The following DCDC2C variants were observed in gnomAD, a reference collection of about 807,000 sequenced individuals.
The protein encoded by DCDC2C is doublecortin domain containing 2C.
DCDC2C carries 44 observed loss-of-function variants against 45.0 expected under a neutral mutation model. The observed-to-expected ratio is 0.98, with a 90% CI of 0.77 to 1.26. The LOEUF (loss-of-function observed/expected upper bound fraction) is 1.26, where lower values mean the gene tolerates loss of function less well. DCDC2C is among the 50% of genes most tolerant of loss of function. DCDC2C has a pLI of 0.00. For missense variants in DCDC2C, 447 were observed against 468.9 expected, an observed-to-expected ratio of 0.95 and a Z score of 0.43; for synonymous variants, 187 against 178.8, an observed-to-expected ratio of 1.05 and a Z score of -0.37.
intron 6 of DCDC2C, among the ~76,000 whole-genome samples, chr2:3,767,061 G>C (rs190017459): frequency 1.3e-5 from 2 of 152,370 alleles, no homozygotes; most frequent in South Asian, 4.1e-4. Flanking sequence ...TGTTGCGAGC[G>C]TGTTTAAGGT....
At chr2:3,741,746 G>C (rs924109523) in intron 3 of DCDC2C, among the ~76,000 whole-genome samples, 174 bp from the exon 4 acceptor site, 10 of 151,620 alleles carry the variant, frequency 6.6e-5, no homozygotes, top group Non-Finnish European at 8.8e-5. Flanking sequence ...ACCAGGCTCT[G>C]TGACATTCTG....
intron 10 of DCDC2C, among the ~76,000 whole-genome samples, chr2:3,814,512 G>T (rs544008058): frequency 1.3e-5 from 2 of 152,190 alleles, no homozygotes; most frequent in Admixed American, 1.3e-4. Context: ...GCCTACTTCT[G>T]TCAATTCGTC....
chr2:3,728,079 T>A (rs1166683154), intron 3 of DCDC2C, among the ~76,000 whole-genome samples: 2 of 151,788 alleles, frequency 1.3e-5, no homozygotes, highest in Non-Finnish European at 2.9e-5. Flanking sequence ...CATGTGGGGG[T>A]CCCAGCCTTG....
chr2:3,703,971 G>C lies in DCDC2C; in HGVS notation c.220G>C (p.Gly74Arg). ...FTPTRGHRVLGLDALQAGGKY... is the reference protein window; with the variant it reads ...FTPTRGHRVLRLDALQAGGKY... ...GCCCACGCGTGGGCACCGGGTGCTGGGGCTGGACGCGCTGCAGGCGGGCGG... is the reference window on the plus strand; with the variant it reads ...GCCCACGCGTGGGCACCGGGTGCTGCGGCTGGACGCGCTGCAGGCGGGCGG... The change falls in exon 1 of 11, where the codon GGG (glycine) becomes CGG (arginine). Residue 74 changes from glycine to arginine, a missense_variant. Coordinates refer to ENST00000399143, the MANE Select transcript of DCDC2C (RefSeq NM_001287444.2). This position sits in a 1 kb window ranked among gnomAD's most constrained non-coding sequence, Gnocchi z 4.4. The C allele has an allele frequency of 1.5e-6, 2 of 1,304,822 alleles. No individual in the cohort carries two copies. The highest frequency in any genetic ancestry group is 1.9e-6 in the Non-Finnish European group (2 of 1,026,832). 80.8% of individuals were successfully genotyped at this position (1,304,822 alleles called of 1,614,324 possible). A position where few individuals can be genotyped will look rare whatever the true frequency, so the allele number is the denominator to read the frequency against.
chr2:3,730,859 G>A (rs947697907), intron 3 of DCDC2C, among the ~76,000 whole-genome samples: 3 of 152,144 alleles, frequency 2.0e-5, no homozygotes, highest in Admixed American at 6.5e-5. Context: ...AGTTGATCAC[G>A]GCCCTCACTC....
At chr2:3,798,562 C>G (rs879299541) in intron 10 of DCDC2C, among the ~76,000 whole-genome samples, 31 of 148,676 alleles carry the variant, frequency 2.1e-4, no homozygotes, top group African/African-American at 1.5e-4. Flanking sequence ...TTAGGGCAGG[C>G]CTGGTGGTGA....
intron 8 of DCDC2C, among the ~76,000 whole-genome samples, chr2:3,772,525 G>T (rs1348691580): frequency 6.6e-6 from 1 of 152,188 alleles, no homozygotes; most frequent in Non-Finnish European, 1.5e-5. Context: ...TGCAGAGGAG[G>T]ACAAAATGGA....
intron 3 of DCDC2C, among the ~76,000 whole-genome samples, chr2:3,736,424 C>A (rs1669029221): frequency 6.6e-6 from 1 of 152,112 alleles, no homozygotes; most frequent in African/African-American, 2.4e-5. Flanking sequence ...GATGCGTTGC[C>A]CCAGACCAGT....
chr2:3,729,183 G>T (rs1668787141), intron 3 of DCDC2C, among the ~76,000 whole-genome samples: 1 of 152,082 alleles, frequency 6.6e-6, no homozygotes. Context: ...AGTTGTCTGG[G>T]CCCTGGAGTG....
At chr2:3,808,701 G>T (rs1211860378) in intron 10 of DCDC2C, among the ~76,000 whole-genome samples, 1 of 152,162 alleles carries the variant, frequency 6.6e-6, no homozygotes, top group Non-Finnish European at 1.5e-5. Flanking sequence ...CCAGTATGTG[G>T]CTTGTCTTCT....
intron 10 of DCDC2C, among the ~76,000 whole-genome samples, chr2:3,845,186 G>A (rs1476370743): frequency 6.6e-6 from 1 of 152,076 alleles, no homozygotes; most frequent in Admixed American, 6.5e-5. Context: ...TAATAATAAC[G>A]AACTCACAGG....
chr2:3,724,707 C>A (rs1398045479), intron 2 of DCDC2C, among the ~76,000 whole-genome samples: 1 of 152,114 alleles, frequency 6.6e-6, no homozygotes, highest in African/African-American at 2.4e-5. Context: ...TGTCGAGAAG[C>A]AGGGCCCCAG....
chr2:3,715,095 T>C (rs1193539574), intron 2 of DCDC2C, among the ~76,000 whole-genome samples: 1 of 152,256 alleles, frequency 6.6e-6, no homozygotes, highest in African/African-American at 2.4e-5. Flanking sequence ...TTTATAAATG[T>C]ATTTATTTAA....
At chr2:3,772,054 T>C (rs1199250081) in intron 8 of DCDC2C, among the ~76,000 whole-genome samples, 13 of 152,208 alleles carry the variant, frequency 8.5e-5, no homozygotes, top group Admixed American at 8.5e-4. Context: ...GTGTCTGCAG[T>C]ATTACACTTT....
At chr2:3,751,288 A>G (rs1334315984) in intron 4 of DCDC2C, among the ~76,000 whole-genome samples, 2 of 152,110 alleles carry the variant, frequency 1.3e-5, no homozygotes, top group Non-Finnish European at 2.9e-5. Context: ...ACTCCTGGGG[A>G]TTCTGGCACT....
At chr2:3,824,495 C>G (rs1671770579) in intron 10 of DCDC2C, among the ~76,000 whole-genome samples, 1 of 152,206 alleles carries the variant, frequency 6.6e-6, no homozygotes, top group Non-Finnish European at 1.5e-5. Context: ...GTATGCCATG[C>G]AATGTGCATA....
rs996090085 is a variant in DCDC2C at position 3,703,796 on chromosome 2, C to A, written c.45C>A (p.Ala15=). 1.6e-5 allele frequency: 20 copies of A among 1,244,990 alleles called. No individual in the cohort carries two copies. The African/African-American group carries it at 2.8e-4, about 17-fold the overall frequency. The allele number at this position is 1,244,990 out of a possible 1,614,324, so 77.1% of individuals were successfully genotyped here. The part of the protein sequence containing the change: ...GPSAPVDTTP[A]KTIVVYRNGD... ...CCGCGCCGGTGGACACCACGCCCGCCAAGACCATCGTGGTGTACCGCAACG... is the reference window on the plus strand; with the variant it reads ...CCGCGCCGGTGGACACCACGCCCGCAAAGACCATCGTGGTGTACCGCAACG... The change falls in exon 1 of 11, where the codon GCC becomes GCA. Residue 15 remains alanine (A), a synonymous_variant. Transcript: ENST00000399143. This position sits in a 1 kb window ranked among gnomAD's most constrained non-coding sequence, Gnocchi z 4.4.
chr2:3,726,889 C>G (rs1213275687), intron 2 of DCDC2C, 114 bp from the exon 3 acceptor site: 1 of 938,016 alleles, frequency 1.1e-6, no homozygotes, highest in East Asian at 2.7e-5. Flanking sequence ...GTTCTATTGA[C>G]AAAGGGGTTC....
chr2:3,846,380 G>A lies in DCDC2C; in HGVS notation c.1066-774G>A, dbSNP rs566099507. Among the ~76,000 whole-genome samples the A allele has an allele frequency of 5.3e-5, 8 of 152,022 alleles. No homozygotes were observed. In the East Asian group the frequency reaches 7.8e-4, roughly 15 times the overall value. ...AAGCATCCTCCCACCTCAGCCTCCC[G>A]TGTAGCTGAGACTACAGGCATGAGC... On this transcript the variant is annotated intron_variant, in intron 10 of 10. Coordinates refer to ENST00000399143, the MANE Select transcript of DCDC2C (RefSeq NM_001287444.2).
Sources: allele counts gnomAD v4.1 joint callset (sites outside exome capture counted in the v4.1 genomes callset), GRCh38; gene constraint gnomAD v4.1.1; non-coding constraint Gnocchi (gnomAD v3.1); transcripts MANE v1.5; gene names NCBI Gene and HGNC (gene_info 2026-07-23, HGNC 2026-07-21).